The following SPTBN1 variants were observed in gnomAD, a reference collection of about 807,000 sequenced individuals.
SPTBN1 encodes the protein spectrin beta chain, non-erythrocytic 1.
SPTBN1 carries 32 observed loss-of-function variants against 266.4 expected under a neutral mutation model. The ratio of observed to expected loss-of-function variants is 0.12; its 90% confidence interval spans 0.09 to 0.16. SPTBN1 has a LOEUF of 0.16. Ranked by LOEUF, SPTBN1 falls within the 10% of genes least tolerant of loss-of-function variation. The pLI, the probability that SPTBN1 is intolerant of heterozygous loss-of-function variation, is 1.00. For missense variants in SPTBN1, 2,296 were observed against 3,067.1 expected (o/e 0.75, Z 5.94); for synonymous variants, 1,336 against 1,162.2 (o/e 1.15, Z -3.04).
chr2:54,668,329 C>G (rs1328284158), intron 35 of SPTBN1, 22 bp from the exon 36 acceptor site: 3 of 1,612,016 alleles, frequency 1.9e-6, no homozygotes, highest in African/African-American at 1.3e-5. Context: ...TGAGTCTCAC[C>G]TGTGTCCCTT....
chr2:54,497,839 A>T (rs894302747), intron 1 of SPTBN1, among the ~76,000 whole-genome samples: 14 of 152,200 alleles, frequency 9.2e-5, no homozygotes, highest in African/African-American at 3.1e-4. Context: ...AACTCTGCTT[A>T]CAAAATCCAT....
chr2:54,492,349 G>GTTTTTTTTTTT (rs542155672), intron 1 of SPTBN1, among the ~76,000 whole-genome samples: 2 of 132,632 alleles, frequency 1.5e-5, no homozygotes, highest in African/African-American at 2.8e-5. Context: ...TTGTTTTTTT[G>GTTTTTTTTTTT]TTTTTTTTTT....
chr2:54,456,331 C>A lies in SPTBN1; in HGVS notation c.-235C>A, dbSNP rs1311473505. On this transcript the variant is annotated 5_prime_UTR_variant, in exon 1 of 36. Transcript: ENST00000356805. ...GTGCAGGCTGCGGATTCCTCCAGTC[C>A]CTCCCTCGGCCGCCTCTCCTCCCGG... is the stretch of plus-strand genomic sequence containing the variant. 6.6e-6 allele frequency: 1 copy of A among 152,436 alleles called. No homozygotes were observed. The highest frequency in any genetic ancestry group is 1.5e-5 in the Non-Finnish European group (1 of 68,248). The allele number at this position is 152,436 out of a possible 1,614,324, so 9.4% of individuals were successfully genotyped here.
In SPTBN1 at chr2:54,558,923, T is replaced by C. The variant is rs200617544; in HGVS notation, c.148+32357T>C. Reference sequence around the variant, plus strand: ...TCCCAAAGGCCGGGCCTGTCCTGGGTGCCAACGGGGGTTCTTGGAGGCTTT... The same window carrying C: ...TCCCAAAGGCCGGGCCTGTCCTGGGCGCCAACGGGGGTTCTTGGAGGCTTT... On this transcript the variant is annotated intron_variant, in intron 2 of 35. Transcript: ENST00000356805. The surrounding 1 kb of genome is among the most constrained non-coding windows in gnomAD (Gnocchi z 4.6). 14 of 1,601,910 alleles carry C rather than the reference T, an allele frequency of 8.7e-6. No homozygotes were observed. The African/African-American group carries it at 1.9e-4, about 22-fold the overall frequency.
In SPTBN1 at chr2:54,653,303, C is replaced by T. The variant is rs547320007; in HGVS notation, c.5578-306C>T. On this transcript the variant is annotated intron_variant, in intron 26 of 35. Coordinates refer to ENST00000356805, the MANE Select transcript of SPTBN1 (RefSeq NM_003128.3). This position sits in a 1 kb window ranked among gnomAD's most constrained non-coding sequence, Gnocchi z 5.1. ...TTTTTGGACTGTATCTGAATATGTC[C>T]CACTCAGATATCCCAGGCTGCCTCC... The T allele has an allele frequency of 3.2e-6, 1 of 309,224 alleles. No homozygotes were observed. Among genetic ancestry groups the T allele is most frequent in the Non-Finnish European group, 5.9e-6 (1 of 168,658 alleles). 19.2% of individuals were successfully genotyped at this position (309,224 alleles called of 1,614,324 possible).
intron 3 of SPTBN1, among the ~76,000 whole-genome samples, chr2:54,606,086 T>C (rs1473319311): frequency 6.6e-6 from 1 of 152,216 alleles, no homozygotes; most frequent in Non-Finnish European, 1.5e-5. Flanking sequence ...GTCTCATACA[T>C]GTTTCCTGTT....
chr2:54,512,939 A>T (rs1395315370), intron 1 of SPTBN1, among the ~76,000 whole-genome samples: 1 of 152,202 alleles, frequency 6.6e-6, no homozygotes, highest in Non-Finnish European at 1.5e-5. Context: ...TGGCTTAGGC[A>T]TGTAATCCCA....
intron 4 of SPTBN1, among the ~76,000 whole-genome samples, chr2:54,614,930 C>A (rs1222522233): frequency 3.3e-5 from 5 of 152,086 alleles, no homozygotes; most frequent in African/African-American, 1.2e-4. Flanking sequence ...GAAACAGATA[C>A]CCTTCACACA....
chr2:54,584,776 C>T (rs1049761846), intron 2 of SPTBN1, among the ~76,000 whole-genome samples: 2 of 152,180 alleles, frequency 1.3e-5, no homozygotes, highest in African/African-American at 4.8e-5. Context: ...TAGGCTATGT[C>T]AAGGTAGCTG....
intron 30 of SPTBN1, 134 bp downstream of exon 30, chr2:54,658,180 T>C (rs1680806267): frequency 9.4e-7 from 1 of 1,065,174 alleles, no homozygotes; most frequent in Admixed American, 2.4e-5. Flanking sequence ...GAAGATCATC[T>C]TAAAATGGGT....
At chr2:54,470,816 C>A (rs577551226) in intron 1 of SPTBN1, among the ~76,000 whole-genome samples, 458 of 152,270 alleles carry the variant, frequency 3.0e-3, no homozygotes, top group Middle Eastern at 0.014. Context: ...TCAAACCCCA[C>A]ACTGTTCTTT....
At chr2:54,491,316 G>T (rs1668672668) in intron 1 of SPTBN1, among the ~76,000 whole-genome samples, 1 of 152,086 alleles carries the variant, frequency 6.6e-6, no homozygotes, top group African/African-American at 2.4e-5. Context: ...AAGGATTGAA[G>T]GTCACATTTT....
intron 29 of SPTBN1, among the ~76,000 whole-genome samples, chr2:54,656,595 C>T (rs1020254859): frequency 1.3e-5 from 2 of 152,140 alleles, no homozygotes; most frequent in Non-Finnish European, 2.9e-5. Context: ...GCACTAACAG[C>T]GCAATTCTAG....
intron 26 of SPTBN1, chr2:54,652,589 G>A (rs537803196): frequency 6.6e-6 from 1 of 152,302 alleles, no homozygotes. Flanking sequence ...TGTATATGTA[G>A]GATCAATTCC....
At chr2:54,482,560 G>C (rs1299814800) in intron 1 of SPTBN1, among the ~76,000 whole-genome samples, 1 of 152,096 alleles carries the variant, frequency 6.6e-6, no homozygotes, top group Non-Finnish European at 1.5e-5. Flanking sequence ...GGCCTGTGCT[G>C]TCCAGTAGGG....
At chr2:54,570,677 T>C (rs942246536) in intron 2 of SPTBN1, among the ~76,000 whole-genome samples, 6 of 152,220 alleles carry the variant, frequency 3.9e-5, no homozygotes, top group Non-Finnish European at 8.8e-5. Flanking sequence ...TTTGGTGGAA[T>C]TGGCGTGCCA....
chr2:54,584,932 C>G (rs985555452), intron 2 of SPTBN1, among the ~76,000 whole-genome samples: 1 of 151,862 alleles, frequency 6.6e-6, no homozygotes, highest in Non-Finnish European at 1.5e-5. Context: ...CGTGTAGGGA[C>G]AAGGGAGAGG....
intron 32 of SPTBN1, chr2:54,662,472 C>G (rs1031809169): frequency 3.9e-6 from 1 of 256,786 alleles, no homozygotes; most frequent in Non-Finnish European, 6.1e-6. Flanking sequence ...TGCAGTCTGA[C>G]CAAGTATGAT....
chr2:54,538,254 T>C (rs1245028287), intron 2 of SPTBN1, among the ~76,000 whole-genome samples: 1 of 152,212 alleles, frequency 6.6e-6, no homozygotes, highest in Non-Finnish European at 1.5e-5. Flanking sequence ...TCATTTGCAT[T>C]GAAGTTATTG....
Sources: gnomAD v4.1 joint callset for allele counts (sites outside exome capture counted in the v4.1 genomes callset) on GRCh38, gnomAD v4.1.1 for gene constraint, Gnocchi (gnomAD v3.1) non-coding constraint, MANE v1.5 for transcripts, NCBI Gene and HGNC (gene_info 2026-07-23, HGNC 2026-07-21) for gene names.